The following LRGUK variants were observed in gnomAD, a reference collection of about 807,000 sequenced individuals.
The protein encoded by LRGUK is leucine-rich repeat and guanylate kinase domain-containing protein.
LRGUK carries 65 observed loss-of-function variants against 76.0 expected under a neutral mutation model. The observed-to-expected ratio is 0.85, with a 90% CI of 0.70 to 1.05. The LOEUF is 1.05. Among genes scored for constraint, LRGUK ranks in the 50% least tolerant of loss-of-function variants. The pLI is 0.00. For synonymous variants in LRGUK, 268 were observed against 265.6 expected (o/e 1.01, Z -0.09); for missense variants, 758 against 732.8 (o/e 1.03, Z -0.40).
At chr7:134,237,101 C>T (rs1199504062) in intron 16 of LRGUK, among the ~76,000 whole-genome samples, 1 of 125,336 alleles carries the variant, frequency 8.0e-6, no homozygotes, top group Non-Finnish European at 1.6e-5. Context: ...GTCACCCAGG[C>T]TGGAGTGCAG....
chr7:134,274,793 G>T, the LRGUK span, among the ~76,000 whole-genome samples: 1 of 152,034 alleles, frequency 6.6e-6, no homozygotes, highest in African/African-American at 2.4e-5. Context: ...AGTGCCACCT[G>T]TGCTTATTTT....
chr7:134,207,877 A>C (rs1801073102), intron 15 of LRGUK, among the ~76,000 whole-genome samples: 1 of 152,214 alleles, frequency 6.6e-6, no homozygotes. Context: ...GAATCCGTCT[A>C]GTGAACAAGC....
At chr7:134,250,275 T>C (rs1253738372) in intron 18 of LRGUK, among the ~76,000 whole-genome samples, 1 of 152,144 alleles carries the variant, frequency 6.6e-6, no homozygotes, top group Non-Finnish European at 1.5e-5. Flanking sequence ...TTCTGTATCC[T>C]AAAAAACTAT....
rs778363185 is a variant in LRGUK, at chr7:134,176,912, A to G, written c.1021-65A>G. On this transcript the variant is annotated intron_variant, in intron 8 of 15. Coordinates refer to ENST00000645682, the Ensembl canonical transcript of LRGUK. ...AAAGGCCCAAGCTCATGAAAACCCA[A>G]TGCTGGTGCTTGTTGATTTGGGAAA... 410 of 940,020 alleles carry G rather than the reference A, an allele frequency of 4.4e-4. 1 individual carries two copies. The highest frequency in any genetic ancestry group is 1.3e-3 in the Middle Eastern group (6 of 4,606). The allele number at this position is 940,020 out of a possible 1,614,324, so 58.2% of individuals were successfully genotyped here. A position where few individuals can be genotyped will look rare whatever the true frequency, so the allele number is the denominator to read the frequency against.
At chr7:134,272,960 G>A in the LRGUK span, among the ~76,000 whole-genome samples, 14,649 of 152,168 alleles carry the variant, frequency 0.096, 1,815 homozygotes, top group African/African-American at 0.28. Flanking sequence ...TCAGGGGGTT[G>A]TGGGGTTTCA....
At chr7:134,263,536 C>A (rs566164865) in intron 19 of LRGUK, among the ~76,000 whole-genome samples, 1 of 151,482 alleles carries the variant, frequency 6.6e-6, no homozygotes, top group African/African-American at 2.4e-5. Flanking sequence ...CATTGGGCAA[C>A]TCTATACAAC....
At chr7:134,135,720 A>G (rs1020116466) in intron 1 of LRGUK, among the ~76,000 whole-genome samples, 9 of 152,150 alleles carry the variant, frequency 5.9e-5, no homozygotes, top group African/African-American at 1.7e-4. Flanking sequence ...TGGTGGCACA[A>G]TCTTGGCTCA....
intron 15 of LRGUK, among the ~76,000 whole-genome samples, chr7:134,207,578 G>C (rs1291204731): frequency 1.3e-5 from 2 of 152,186 alleles, no homozygotes; most frequent in African/African-American, 4.8e-5. Flanking sequence ...GGGATGCAAA[G>C]GGTGCGTGTC....
In LRGUK at chr7:134,247,465, A is replaced by G. The variant is rs1321572721; in HGVS notation, c.1984-91A>G. ...CCTTTTTCTTCCCACATATTTGTCAATCTCTAGTACCAAAGAGAATTATTA... is the reference window on the plus strand; with the variant it reads ...CCTTTTTCTTCCCACATATTTGTCAGTCTCTAGTACCAAAGAGAATTATTA... On this transcript the variant is annotated intron_variant, in intron 16 of 19. Transcript: ENST00000285928. 14 of 817,498 alleles carry G rather than the reference A, an allele frequency of 1.7e-5. No homozygotes were observed. The East Asian group carries it at 3.0e-4, about 18-fold the overall frequency. The allele number at this position is 817,498 out of a possible 1,614,324, so 50.6% of individuals were successfully genotyped here.
At chr7:134,252,252 G>T (rs1355379589) in intron 18 of LRGUK, among the ~76,000 whole-genome samples, 1 of 151,856 alleles carries the variant, frequency 6.6e-6, no homozygotes, top group Non-Finnish European at 1.5e-5. Flanking sequence ...GTGGGAGGAT[G>T]GCTTGAACAC....
intron 16 of LRGUK, among the ~76,000 whole-genome samples, chr7:134,237,095 C>G (rs1325080624): frequency 1.4e-5 from 2 of 146,618 alleles, no homozygotes; most frequent in Non-Finnish European, 3.0e-5. Flanking sequence ...TACTCTGTCA[C>G]CCAGGCTGGA....
intron 16 of LRGUK, among the ~76,000 whole-genome samples, chr7:134,244,975 TCTCA>T (rs1167411795): frequency 6.8e-6 from 1 of 146,956 alleles, no homozygotes; most frequent in African/African-American, 2.5e-5. Flanking sequence ...CACCACATGT[TCTCA>T]CTCATAGGTG....
chr7:134,212,932 G>C (rs1459365195), downstream of LRGUK, among the ~76,000 whole-genome samples: 3 of 152,286 alleles, frequency 2.0e-5, no homozygotes, highest in East Asian at 5.8e-4. Flanking sequence ...GATGTCATAA[G>C]AATACCAAGG....
chr7:134,242,839 A>C (rs999119326), intron 16 of LRGUK, among the ~76,000 whole-genome samples: 24 of 152,314 alleles, frequency 1.6e-4, no homozygotes, highest in African/African-American at 5.8e-4. Context: ...GCAGCACCTC[A>C]TAAAGCTTAT....
At chr7:134,127,796 C>G (rs887551324) in intron 1 of LRGUK, 132 bp downstream of exon 1, 9 of 991,268 alleles carry the variant, frequency 9.1e-6, no homozygotes, top group Non-Finnish European at 1.2e-5. Flanking sequence ...CCTCCAGGAA[C>G]GCCTCTTCCC....
chr7:134,181,002 T>C (rs575144625), intron 10 of LRGUK, among the ~76,000 whole-genome samples: 1 of 152,188 alleles, frequency 6.6e-6, no homozygotes, highest in Non-Finnish European at 1.5e-5. Context: ...TTTTAGAAAA[T>C]AGTGTTGTAC....
chr7:134,271,783 G>C, the LRGUK span, among the ~76,000 whole-genome samples: 1 of 151,912 alleles, frequency 6.6e-6, no homozygotes, highest in Admixed American at 6.6e-5. Flanking sequence ...TCTTTAGTGA[G>C]ATTTATTCCT....
rs143612112 is a variant in LRGUK at position 134,201,711 on chromosome 7, A to G, written c.1843+135A>G. 7.9e-4 allele frequency: 479 copies of G among 607,940 alleles called. 1 individual carries two copies. The highest frequency in any genetic ancestry group is 1.2e-3 in the Non-Finnish European group (416 of 348,340). 37.7% of individuals were successfully genotyped at this position (607,940 alleles called of 1,614,324 possible). A position where few individuals can be genotyped will look rare whatever the true frequency, so the allele number is the denominator to read the frequency against. On this transcript the variant is annotated intron_variant, in intron 15 of 15. Transcript: ENST00000645682. Reference sequence around the variant, plus strand: ...TTATTCCTGTACTTCTTCTGGGGCAATTGTCCCCAAAACAAGCAGCATGAG... The same window carrying G: ...TTATTCCTGTACTTCTTCTGGGGCAGTTGTCCCCAAAACAAGCAGCATGAG...
chr7:134,260,328 TAGC>T (rs1802690950), intron 19 of LRGUK, among the ~76,000 whole-genome samples: 1 of 152,214 alleles, frequency 6.6e-6, no homozygotes, highest in African/African-American at 2.4e-5. Context: ...TGTATACACA[TAGC>T]AGAAGATTGT....
Sources: allele counts gnomAD v4.1 joint callset (sites outside exome capture counted in the v4.1 genomes callset), GRCh38; gene constraint gnomAD v4.1.1; transcripts MANE v1.5; gene names NCBI Gene and HGNC (gene_info 2026-07-23, HGNC 2026-07-21).